Variants in PIK3CB observed in about 807,000 individuals in gnomAD.
The protein encoded by PIK3CB is phosphatidylinositol-4,5-bisphosphate 3-kinase catalytic subunit beta.
Under a neutral mutation model 136.8 loss-of-function variants are expected in PIK3CB, and 39 were observed. The observed-to-expected ratio is 0.29, with a 90% CI of 0.22 to 0.37. The LOEUF is 0.37. PIK3CB is among the 10% of genes least tolerant of loss of function. The probability of loss-of-function intolerance (pLI) is 1.00; values close to 1 mark genes in which losing one functional copy is unlikely to be tolerated. For missense variants in PIK3CB, 868 were observed against 1,275.4 expected (o/e 0.68, Z 4.87); for synonymous variants, 428 against 436.6 (o/e 0.98, Z 0.25).
intron 4 of PIK3CB, among the ~76,000 whole-genome samples, chr3:138,751,502 CT>C (rs1394124621): frequency 1.3e-5 from 2 of 151,696 alleles, no homozygotes; most frequent in Non-Finnish European, 2.9e-5. Context: ...ACACTTTAAG[CT>C]AAGTAATTTA....
intron 15 of PIK3CB, 99 bp downstream of exon 15, chr3:138,690,901 G>GA: frequency 2.1e-6 from 2 of 954,714 alleles, no homozygotes; most frequent in Non-Finnish European, 3.2e-6. Context: ...AAACGGTTCA[G>GA]AAAAAAACTA....
chr3:138,764,625 G>C (rs540775567), intron 2 of PIK3CB, among the ~76,000 whole-genome samples: 32 of 152,226 alleles, frequency 2.1e-4, no homozygotes, highest in African/African-American at 7.2e-4. Context: ...ATGAATTCAT[G>C]ATTGGGCCCC....
intron 22 of PIK3CB, among the ~76,000 whole-genome samples, chr3:138,656,766 A>G (rs1029179376): frequency 2.6e-5 from 4 of 151,942 alleles, no homozygotes; most frequent in African/African-American, 9.7e-5. Flanking sequence ...TCCCTCAAGA[A>G]GATCATCCAA....
chr3:138,770,170 G>A (rs985118729), intron 2 of PIK3CB: 22 of 152,138 alleles, frequency 1.4e-4, no homozygotes, highest in African/African-American at 5.1e-4. Context: ...GAAGCTATCA[G>A]AGGGCACAGG....
At chr3:138,753,185 C>G (rs1056023577) in intron 4 of PIK3CB, among the ~76,000 whole-genome samples, 2 of 152,144 alleles carry the variant, frequency 1.3e-5, no homozygotes, top group African/African-American at 4.8e-5. Context: ...CCACTGCATT[C>G]CAGCCTGGGT....
intron 2 of PIK3CB, among the ~76,000 whole-genome samples, chr3:138,767,879 G>A (rs1429688708): frequency 6.6e-6 from 1 of 152,216 alleles, no homozygotes; most frequent in African/African-American, 2.4e-5. Context: ...GGAGTTCCCA[G>A]GTCTGGGCTC....
rs372900525 is a variant in PIK3CB, at chr3:138,831,517, C to T, written c.-122+3178G>A. The stretch of plus-strand genomic sequence containing the variant: ...AGAAGAATTGTTTGAACCGGGGAGG[C>T]GGAGGTTGCAGTGAGCCAAGATTGC... On this transcript the variant is annotated intron_variant, in intron 1 of 23. Transcript: ENST00000674063. 4.6e-5 allele frequency among the ~76,000 whole-genome samples: 7 copies of T among 151,686 alleles called. No individual in the cohort carries two copies. In the East Asian group the frequency reaches 5.8e-4, roughly 13 times the overall value.
chr3:138,827,913 G>T (rs1334905029), intron 1 of PIK3CB, among the ~76,000 whole-genome samples: 1 of 151,406 alleles, frequency 6.6e-6, no homozygotes, highest in Non-Finnish European at 1.5e-5. Flanking sequence ...GCGTGAACCT[G>T]GGAGGCGGAG....
intron 7 of PIK3CB, among the ~76,000 whole-genome samples, chr3:138,733,685 T>C (rs1211241664): frequency 2.0e-5 from 3 of 152,092 alleles, no homozygotes; most frequent in Non-Finnish European, 4.4e-5. Context: ...GAGACCATCC[T>C]GGCTAACACG....
intron 19 of PIK3CB, among the ~76,000 whole-genome samples, chr3:138,673,881 T>C (rs1468204044): frequency 6.6e-6 from 1 of 152,194 alleles, no homozygotes; most frequent in Non-Finnish European, 1.5e-5. Flanking sequence ...CAAAGCCTGA[T>C]TCCCACAGAA....
intron 1 of PIK3CB, among the ~76,000 whole-genome samples, chr3:138,821,622 T>C (rs1327065763): frequency 6.6e-6 from 1 of 151,552 alleles, no homozygotes; most frequent in Non-Finnish European, 1.5e-5. Flanking sequence ...CCACCTCTAC[T>C]AAAAACACAA....
intron 1 of PIK3CB, among the ~76,000 whole-genome samples, chr3:138,832,327 G>C (rs938375993): frequency 6.6e-6 from 1 of 152,116 alleles, no homozygotes; most frequent in Non-Finnish European, 1.5e-5. Flanking sequence ...TGAATCAGGG[G>C]TGTAAATTAG....
At chr3:138,739,071 G>A (rs992971729) in intron 5 of PIK3CB, among the ~76,000 whole-genome samples, 7 of 152,138 alleles carry the variant, frequency 4.6e-5, no homozygotes, top group African/African-American at 1.7e-4. Flanking sequence ...CTAATGTGAT[G>A]ATATTTGGAA....
intron 2 of PIK3CB, among the ~76,000 whole-genome samples, chr3:138,776,917 T>A (rs168633): frequency 1.6e-5 from 2 of 126,112 alleles, no homozygotes; most frequent in African/African-American, 3.3e-5. Context: ...AGTGAGACTC[T>A]ACCTCAAAAA....
rs553237944 is a variant in PIK3CB at position 138,766,516 on chromosome 3, CCTTTA to C, written c.-16-7162_-16-7158del. On this transcript the variant is annotated intron_variant, in intron 2 of 23. Coordinates refer to ENST00000674063, the MANE Select transcript of PIK3CB (RefSeq NM_006219.3). Reference sequence around the variant, plus strand: ...GGTGCATCATAAAGAAAAATTTTATCCTTTACTTTAACAGTTGCCCATGCTTAAAA... The same window carrying C: ...GGTGCATCATAAAGAAAAATTTTATCCTTTAACAGTTGCCCATGCTTAAAA... Among the ~76,000 whole-genome samples, 14 of 152,108 alleles carry C rather than the reference CCTTTA, an allele frequency of 9.2e-5. No individual in the cohort carries two copies. The East Asian group carries it at 2.1e-3, about 23-fold the overall frequency.
chr3:138,737,971 T>G (rs2045149813), intron 5 of PIK3CB, 85 bp from the exon 6 acceptor site: 1 of 721,014 alleles, frequency 1.4e-6, no homozygotes, highest in Non-Finnish European at 2.2e-6. Context: ...TGTAATAATA[T>G]GTACAAATGT....
intron 9 of PIK3CB, among the ~76,000 whole-genome samples, chr3:138,713,567 AG>A (rs1441736426): frequency 1.3e-5 from 2 of 152,094 alleles, no homozygotes; most frequent in Non-Finnish European, 2.9e-5. Flanking sequence ...TTTACTCAGG[AG>A]GCTGAGGCAG....
chr3:138,744,326 C>A (rs781381002), intron 4 of PIK3CB, among the ~76,000 whole-genome samples: 8 of 127,952 alleles, frequency 6.3e-5, no homozygotes, highest in Non-Finnish European at 1.1e-4. Context: ...ACCCGGGAGG[C>A]GGAGCTGGCA....
At chr3:138,741,449 C>A (rs2045242101) in intron 5 of PIK3CB, among the ~76,000 whole-genome samples, 2 of 152,162 alleles carry the variant, frequency 1.3e-5, no homozygotes, top group African/African-American at 2.4e-5. Flanking sequence ...CACAGAACAA[C>A]GACTGTTAAG....
Sources: allele counts gnomAD v4.1 joint callset (sites outside exome capture counted in the v4.1 genomes callset), GRCh38; gene constraint gnomAD v4.1.1; transcripts MANE v1.5; gene names NCBI Gene and HGNC (gene_info 2026-07-23, HGNC 2026-07-21).